The following PRICKLE2 variants were observed in gnomAD, a reference collection of about 807,000 sequenced individuals.
The protein encoded by PRICKLE2 is prickle planar cell polarity protein 2.
Under a neutral mutation model 81.4 loss-of-function variants are expected in PRICKLE2, and 21 were observed. The ratio of observed to expected loss-of-function variants is 0.26; its 90% CI spans 0.18 to 0.37. The LOEUF is 0.37. PRICKLE2 is among the 10% of genes least tolerant of loss of function. PRICKLE2 has a pLI of 1.00. For missense variants in PRICKLE2, 940 were observed against 1,109.0 expected (o/e 0.85, Z 2.16); for synonymous variants, 456 against 421.5 (o/e 1.08, Z -1.00).
intron 2 of PRICKLE2, among the ~76,000 whole-genome samples, chr3:64,258,889 G>GAAATAAATAAATAAATAAAT (rs1231045065): frequency 7.0e-6 from 1 of 142,050 alleles, no homozygotes; most frequent in African/African-American, 2.8e-5. Context: ...AAGAAAGAAA[G>GAAATAAATAAATAAATAAAT]AAAGAAATCA....
chr3:64,196,922 C>A (rs2078465382), intron 2 of PRICKLE2, among the ~76,000 whole-genome samples: 2 of 152,160 alleles, frequency 1.3e-5, no homozygotes, highest in Admixed American at 1.3e-4. Flanking sequence ...TAAACTTTTA[C>A]ATGAAAAAAT....
chr3:64,110,566 A>G (rs577846504), intron 7 of PRICKLE2, among the ~76,000 whole-genome samples: 1 of 152,304 alleles, frequency 6.6e-6, no homozygotes, highest in South Asian at 2.1e-4. Context: ...GAGAATAAAG[A>G]CTGGACCTAC....
At chr3:64,248,518 A>G (rs1367705835) in intron 2 of PRICKLE2, among the ~76,000 whole-genome samples, 2 of 152,218 alleles carry the variant, frequency 1.3e-5, no homozygotes, top group Non-Finnish European at 2.9e-5. Flanking sequence ...CTAGCTGTCA[A>G]GAAGGTGGTG....
chr3:64,138,960 C>A (rs1333485486), intron 7 of PRICKLE2, among the ~76,000 whole-genome samples: 2 of 152,222 alleles, frequency 1.3e-5, no homozygotes, highest in Non-Finnish European at 2.9e-5. Flanking sequence ...GAAGAATAGA[C>A]CTGGCCCTTC....
intron 2 of PRICKLE2, among the ~76,000 whole-genome samples, chr3:64,177,323 G>T (rs1197452465): frequency 6.6e-6 from 1 of 151,576 alleles, no homozygotes; most frequent in Non-Finnish European, 1.5e-5. Context: ...TTTTAATAGA[G>T]ACAGGGTCTC....
At chr3:64,255,842 G>A (rs1278703463) in intron 2 of PRICKLE2, among the ~76,000 whole-genome samples, 1 of 152,182 alleles carries the variant, frequency 6.6e-6, no homozygotes, top group Admixed American at 6.5e-5. Context: ...TGAGACAAGG[G>A]GAAGTCTCCT....
chr3:64,212,377 T>C (rs1167796339), intron 1 of PRICKLE2, among the ~76,000 whole-genome samples: 7 of 152,164 alleles, frequency 4.6e-5, no homozygotes, highest in Non-Finnish European at 1.0e-4. Context: ...GCCCCTCCTT[T>C]CCAGATAAAT....
intron 2 of PRICKLE2, among the ~76,000 whole-genome samples, chr3:64,174,007 T>C (rs1271828948): frequency 6.6e-6 from 1 of 152,166 alleles, no homozygotes; most frequent in Non-Finnish European, 1.5e-5. Context: ...TTAAACATAG[T>C]GTAGTTCCCC....
In PRICKLE2 at chr3:64,128,681, G is replaced by A. The variant is rs189874224; in HGVS notation, c.1660+18149C>T. Among the ~76,000 whole-genome samples the A allele has an allele frequency of 5.2e-3, 771 of 147,780 alleles. 8 individuals carry two copies. The highest frequency in any genetic ancestry group is 8.3e-3 in the Non-Finnish European group (563 of 67,674). On this transcript the variant is annotated intron_variant, in intron 7 of 7. Transcript: ENST00000638394. The stretch of plus-strand genomic sequence containing the variant: ...GAATAATGTGAACCCGGGAGGGAGA[G>A]GTTGTAGTGAGCCAAGATCACACCA...
intron 2 of PRICKLE2, among the ~76,000 whole-genome samples, chr3:64,193,742 G>A (rs543890652): frequency 7.2e-4 from 110 of 152,228 alleles, no homozygotes; most frequent in Middle Eastern, 3.4e-3. Context: ...TGATGGCCTC[G>A]TGATAGTAAG....
At chr3:64,170,544 G>C (rs911228006) in intron 2 of PRICKLE2, among the ~76,000 whole-genome samples, 3 of 152,030 alleles carry the variant, frequency 2.0e-5, no homozygotes, top group Non-Finnish European at 4.4e-5. Flanking sequence ...ATATAAACCA[G>C]GGTGTGTCAC....
At chr3:64,149,884 T>A (rs1259260308) in intron 6 of PRICKLE2, among the ~76,000 whole-genome samples, 1 of 151,436 alleles carries the variant, frequency 6.6e-6, no homozygotes, top group Non-Finnish European at 1.5e-5. Context: ...AAGAGGGGAT[T>A]TTTTTTTATA....
At chr3:64,145,370 C>T (rs1027597802) in intron 7 of PRICKLE2, 4 of 147,898 alleles carry the variant, frequency 2.7e-5, no homozygotes, top group African/African-American at 9.9e-5. Context: ...TATACACACG[C>T]TATATATTTT....
chr3:64,210,645 C>T (rs891455371), intron 1 of PRICKLE2, among the ~76,000 whole-genome samples: 2 of 152,134 alleles, frequency 1.3e-5, no homozygotes, highest in African/African-American at 4.8e-5. Flanking sequence ...TTTTAATATG[C>T]CAATTCATGC....
At chr3:64,131,449 A>G (rs2077195150) in intron 7 of PRICKLE2, among the ~76,000 whole-genome samples, 1 of 152,236 alleles carries the variant, frequency 6.6e-6, no homozygotes, top group South Asian at 2.1e-4. Flanking sequence ...CATGGCTAAT[A>G]CTGGCTAACT....
At position 64,108,499 on chromosome 3, in the gene PRICKLE2, TCAAA is replaced by T. The variant is rs577690761; in HGVS notation, c.1661-8578_1661-8575del. ...TCTTGGTGACAGGGCATGGAATGGC[TCAAA>T]CAGAGTATGACAAAGAAGGCTGGGG... is the stretch of plus-strand genomic sequence containing the variant. On this transcript the variant is annotated intron_variant, in intron 7 of 7. Coordinates refer to ENST00000638394, the MANE Select transcript of PRICKLE2 (RefSeq NM_198859.4). Among the ~76,000 whole-genome samples, 19 of 152,140 alleles carry T rather than the reference TCAAA, an allele frequency of 1.2e-4. No individual in the cohort carries two copies. In the South Asian group the frequency reaches 1.5e-3, roughly 12 times the overall value.
chr3:64,110,990 T>C (rs1413685165), intron 7 of PRICKLE2, among the ~76,000 whole-genome samples: 1 of 147,032 alleles, frequency 6.8e-6, no homozygotes, highest in African/African-American at 2.5e-5. Flanking sequence ...AAAAAGTGTC[T>C]TTCATGTGCT....
At chr3:64,161,633 A>G (rs769599957) in intron 3 of PRICKLE2, among the ~76,000 whole-genome samples, 144 of 152,078 alleles carry the variant, frequency 9.5e-4, no homozygotes, top group Admixed American at 1.8e-3. Context: ...CTCTTTTCAT[A>G]AAAGCACAGT....
intron 7 of PRICKLE2, among the ~76,000 whole-genome samples, chr3:64,117,975 A>C (rs1406822498): frequency 6.6e-6 from 1 of 152,230 alleles, no homozygotes; most frequent in African/African-American, 2.4e-5. Context: ...ACAGTAACCA[A>C]GGCAGGATGG....
Sources: allele counts gnomAD v4.1 joint callset (sites outside exome capture counted in the v4.1 genomes callset), GRCh38; gene constraint gnomAD v4.1.1; transcripts MANE v1.5; gene names NCBI Gene and HGNC (gene_info 2026-07-23, HGNC 2026-07-21).